GPHN: variants seen among roughly 807,000 people sequenced by gnomAD.
GPHN encodes gephyrin.
In GPHN, 17 loss-of-function variants were observed where a neutral mutation model predicts 95.5. The observed-to-expected ratio is 0.18, with a 90% CI of 0.12 to 0.27. The LOEUF (loss-of-function observed/expected upper bound fraction) is 0.27. Among genes scored for constraint, GPHN ranks in the 10% least tolerant of loss-of-function variants. The pLI is 1.00. For synonymous variants in GPHN, 320 were observed against 322.5 expected (o/e 0.99, Z 0.08); for missense variants, 660 against 978.1 (o/e 0.67, Z 4.34).
chr14:67,115,734 CAAA>C (rs35393713), intron 16 of GPHN, among the ~76,000 whole-genome samples: 5 of 123,938 alleles, frequency 4.0e-5, no homozygotes, highest in African/African-American at 9.0e-5. Flanking sequence ...GACTCCATCT[CAAA>C]AAAAAAAAAA....
the GPHN span, among the ~76,000 whole-genome samples, chr14:67,646,170 G>A: frequency 6.6e-6 from 1 of 152,196 alleles, no homozygotes; most frequent in African/African-American, 2.4e-5. Context: ...GGGAGTCCAT[G>A]TTAGGCACAG....
the GPHN span, among the ~76,000 whole-genome samples, chr14:67,523,358 A>G: frequency 2.6e-5 from 4 of 152,090 alleles, 1 homozygote; most frequent in South Asian, 2.1e-4. Context: ...AGAGGAGTCC[A>G]GTCCTCAAAA....
At chr14:66,733,515 TTCAC>T (rs1421305730) in intron 2 of GPHN, among the ~76,000 whole-genome samples, 1 of 152,166 alleles carries the variant, frequency 6.6e-6, no homozygotes, top group Non-Finnish European at 1.5e-5. Flanking sequence ...AATGCTAATT[TTCAC>T]TCAGTTTTAA....
rs539071834 is a variant in GPHN, at chr14:66,683,563, G to A, written c.143+2378G>A. Among the ~76,000 whole-genome samples, 32 of 134,934 alleles carry A rather than the reference G, an allele frequency of 2.4e-4. No homozygotes were observed. The South Asian group carries it at 7.7e-3, about 33-fold the overall frequency. The allele number at this position is 134,934 out of a possible 152,430, so 88.5% of individuals were successfully genotyped here. A position where few individuals can be genotyped will look rare whatever the true frequency, so the allele number is the denominator to read the frequency against. Reference sequence around the variant, plus strand: ...TGCCTCTTTTCTGTCTCAGACTCTTGGCATAAATGTTCACTACTTTTCATT... The same window carrying A: ...TGCCTCTTTTCTGTCTCAGACTCTTAGCATAAATGTTCACTACTTTTCATT... On this transcript the variant is annotated intron_variant, in intron 2 of 22. Transcript: ENST00000478722.
intron 2 of GPHN, among the ~76,000 whole-genome samples, chr14:66,774,673 A>G (rs2059316962): frequency 6.6e-6 from 1 of 152,208 alleles, no homozygotes; most frequent in African/African-American, 2.4e-5. Flanking sequence ...GTAATTGAAC[A>G]TAATTTTTCT....
chr14:66,824,051 T>A (rs541956732), intron 3 of GPHN, among the ~76,000 whole-genome samples: 18 of 152,296 alleles, frequency 1.2e-4, no homozygotes, highest in African/African-American at 4.1e-4. Flanking sequence ...ACATTGTACT[T>A]CAGTTGTCTC....
At chr14:67,585,927 C>G in the GPHN span, 1 of 1,600,394 alleles carries the variant, frequency 6.2e-7, no homozygotes, top group Non-Finnish European at 8.5e-7. Flanking sequence ...AGTTTCCCCA[C>G]AACTGACTGG....
the GPHN span, among the ~76,000 whole-genome samples, chr14:67,291,297 C>T: frequency 6.7e-6 from 1 of 149,384 alleles, no homozygotes; most frequent in South Asian, 2.1e-4. Context: ...GGTGTGATCT[C>T]GGCTCACTGC....
At chr14:66,922,630 T>G (rs1396892233) in intron 6 of GPHN, 36 bp from the exon 7 acceptor site, 1 of 1,558,058 alleles carries the variant, frequency 6.4e-7, no homozygotes, top group Admixed American at 1.8e-5. Flanking sequence ...ACAAAAGTGC[T>G]TCATCTTAAT....
At chr14:67,529,322 C>T in the GPHN span, among the ~76,000 whole-genome samples, 1 of 152,148 alleles carries the variant, frequency 6.6e-6, no homozygotes, top group East Asian at 1.9e-4. Flanking sequence ...CACCCTGTGT[C>T]CCCTGGGTGG....
chr14:67,454,400 T>C, the GPHN span: 1 of 152,200 alleles, frequency 6.6e-6, no homozygotes, highest in Non-Finnish European at 1.5e-5. Context: ...GATGATACCT[T>C]AAATTTTGTT....
chr14:67,698,955 A>G, the GPHN span, among the ~76,000 whole-genome samples: 1 of 152,154 alleles, frequency 6.6e-6, no homozygotes, highest in Non-Finnish European at 1.5e-5. Flanking sequence ...AGAGAACTCT[A>G]AAGAAGATAA....
the GPHN span, among the ~76,000 whole-genome samples, chr14:67,509,590 A>T: frequency 1.3e-5 from 2 of 152,168 alleles, no homozygotes; most frequent in Non-Finnish European, 2.9e-5. Context: ...AAGTGCTGGG[A>T]TTACAGGCAT....
In GPHN at chr14:66,782,842, C is replaced by G. The variant is rs111719593; in HGVS notation, c.201+6321C>G. On this transcript the variant is annotated intron_variant, in intron 3 of 22. Coordinates refer to ENST00000478722, the MANE Select transcript of GPHN (RefSeq NM_020806.5). ...AGCGAGACTCCATCTCAAAAACAAA[C>G]AAACAAACAAAAAAACCAAAAGAAA... is the stretch of plus-strand genomic sequence containing the variant. Among the ~76,000 whole-genome samples, 468 of 151,940 alleles carry G rather than the reference C, an allele frequency of 3.1e-3. 11 individuals carry two copies. Among genetic ancestry groups the G allele is most frequent in the African/African-American group, 0.011 (443 of 41,464 alleles).
chr14:67,579,976 C>T, the GPHN span: 2 of 1,164,656 alleles, frequency 1.7e-6, no homozygotes, highest in Non-Finnish European at 2.4e-6. Context: ...TTTGGTAGCT[C>T]ATTTGGTGCT....
At chr14:67,429,158 A>G in the GPHN span, among the ~76,000 whole-genome samples, 7 of 152,154 alleles carry the variant, frequency 4.6e-5, no homozygotes, top group Middle Eastern at 3.2e-3. Context: ...AATAACAATA[A>G]CAATGATGAG....
chr14:66,980,475 C>T (rs1173386481), intron 9 of GPHN, among the ~76,000 whole-genome samples: 1 of 151,966 alleles, frequency 6.6e-6, no homozygotes, highest in African/African-American at 2.4e-5. Context: ...CACATAATAA[C>T]TCTTTTATTA....
chr14:67,450,460 C>T, the GPHN span, among the ~76,000 whole-genome samples: 1 of 152,132 alleles, frequency 6.6e-6, no homozygotes, highest in Non-Finnish European at 1.5e-5. Context: ...ATGGCTTTGC[C>T]TAAAATGATG....
the GPHN span, among the ~76,000 whole-genome samples, chr14:67,621,454 C>CTT: frequency 2.7e-5 from 4 of 145,512 alleles, no homozygotes; most frequent in African/African-American, 7.6e-5. Context: ...TTTCCGTGTT[C>CTT]TTTTTTTTTT....
Sources: gnomAD v4.1 joint callset for allele counts (sites outside exome capture counted in the v4.1 genomes callset) on GRCh38, gnomAD v4.1.1 for gene constraint, MANE v1.5 for transcripts, NCBI Gene and HGNC (gene_info 2026-07-23, HGNC 2026-07-21) for gene names.